The following GTF2IRD1 variants were observed in gnomAD, a reference collection of about 807,000 sequenced individuals.
GTF2IRD1 encodes GTF2I repeat domain containing 1.
Under a neutral mutation model 113.2 loss-of-function variants are expected in GTF2IRD1, and 26 were observed. The ratio of observed to expected loss-of-function variants is 0.23; its 90% CI spans 0.17 to 0.32. GTF2IRD1 has a LOEUF of 0.32. Ranked by LOEUF, GTF2IRD1 falls within the 10% of genes least tolerant of loss-of-function variation. The pLI is 1.00. For missense variants in GTF2IRD1, 864 were observed against 1,280.8 expected (o/e 0.67, Z 4.97); for synonymous variants, 484 against 529.1 (o/e 0.91, Z 1.17).
chr7:74,457,201 G>A (rs905596078), intron 1 of GTF2IRD1, among the ~76,000 whole-genome samples: 2 of 151,952 alleles, frequency 1.3e-5, no homozygotes, highest in Non-Finnish European at 1.5e-5. Context: ...TGTTGCCCAG[G>A]CTGGTTTCGA....
intron 1 of GTF2IRD1, among the ~76,000 whole-genome samples, chr7:74,499,402 G>A (rs1584529343): frequency 6.6e-6 from 1 of 151,658 alleles, no homozygotes; most frequent in South Asian, 2.1e-4. Flanking sequence ...AAGGGAGGAA[G>A]GGAAGGAAGG....
intron 1 of GTF2IRD1, among the ~76,000 whole-genome samples, chr7:74,491,397 G>T (rs1795335934): frequency 6.7e-6 from 1 of 150,240 alleles, no homozygotes; most frequent in Non-Finnish European, 1.5e-5. Flanking sequence ...TGTCATGGGG[G>T]TTTGTTGTAC....
intron 11 of GTF2IRD1, among the ~76,000 whole-genome samples, chr7:74,536,792 C>T (rs1402346267): frequency 1.3e-5 from 2 of 150,720 alleles, no homozygotes; most frequent in Admixed American, 6.6e-5. Flanking sequence ...GGTGACAGAG[C>T]AAGACTCTAT....
At chr7:74,536,514 A>C (rs1798306579) in intron 11 of GTF2IRD1, among the ~76,000 whole-genome samples, 1 of 152,100 alleles carries the variant, frequency 6.6e-6, no homozygotes. Context: ...AAGCCTCTAA[A>C]TGCCCACACT....
chr7:74,495,925 A>G (rs534635846), intron 1 of GTF2IRD1, among the ~76,000 whole-genome samples: 1 of 152,322 alleles, frequency 6.6e-6, no homozygotes, highest in South Asian at 2.1e-4. Flanking sequence ...TCTGTGTCCC[A>G]GCACGACTGT....
chr7:74,508,405 C>G (rs1382280864), intron 2 of GTF2IRD1, among the ~76,000 whole-genome samples: 3 of 152,120 alleles, frequency 2.0e-5, no homozygotes, highest in Admixed American at 2.0e-4. Flanking sequence ...AAAATCTAGC[C>G]CTGGGGCCGG....
chr7:74,558,644 G>T (rs587757549), intron 20 of GTF2IRD1, among the ~76,000 whole-genome samples: 7 of 152,178 alleles, frequency 4.6e-5, no homozygotes, highest in African/African-American at 1.7e-4. Flanking sequence ...GGGATTACGG[G>T]CATAAGCCAC....
At chr7:74,498,177 A>G (rs1795835128) in intron 1 of GTF2IRD1, among the ~76,000 whole-genome samples, 1 of 150,894 alleles carries the variant, frequency 6.6e-6, no homozygotes, top group Admixed American at 6.6e-5. Flanking sequence ...TTGGATTATT[A>G]TTATTAATGG....
At chr7:74,561,897 G>A (rs587724590) in intron 22 of GTF2IRD1, among the ~76,000 whole-genome samples, 3 of 152,146 alleles carry the variant, frequency 2.0e-5, no homozygotes, top group East Asian at 1.9e-4. Context: ...ACTGAGGCTC[G>A]GTGTGAGTGA....
chr7:74,458,007 A>G (rs1554327895), intron 1 of GTF2IRD1, among the ~76,000 whole-genome samples: 1 of 149,406 alleles, frequency 6.7e-6, no homozygotes, highest in African/African-American at 2.5e-5. Context: ...AGTAGCCGGG[A>G]TTACAGGCAT....
Position 74,512,984 on chromosome 7 carries a change from G to A in GTF2IRD1, c.265+13G>A. 2 of 1,610,518 alleles carry A rather than the reference G, an allele frequency of 1.2e-6. No individual in the cohort carries two copies. Among genetic ancestry groups the A allele is most frequent in the Non-Finnish European group, 1.7e-6 (2 of 1,178,338 alleles). ...CTCAGGTTCTGCCGTGAGTACCCCAGGGCTCCGGAGGGCCGGGCCCGCCAT... is the reference window on the plus strand; with the variant it reads ...CTCAGGTTCTGCCGTGAGTACCCCAAGGCTCCGGAGGGCCGGGCCCGCCAT... On this transcript the variant is annotated intron_variant, in intron 3 of 26. Transcript: ENST00000424337. The surrounding 1 kb of genome is among the most constrained non-coding windows in gnomAD (Gnocchi z 4.4).
chr7:74,515,432 G>A lies in GTF2IRD1; in HGVS notation c.266-9G>A. On this transcript the variant is annotated splice_polypyrimidine_tract_variant and intron_variant, in intron 3 of 26. Transcript: ENST00000424337. ...CTCACTGTGGCCTCGCGTGCTCTGTGTCCCACAGGAGGGCCCCCGTGGAAG... is the reference window on the plus strand; with the variant it reads ...CTCACTGTGGCCTCGCGTGCTCTGTATCCCACAGGAGGGCCCCCGTGGAAG... The A allele has an allele frequency of 6.3e-7, 1 of 1,574,940 alleles. No homozygotes were observed. Among genetic ancestry groups the A allele is most frequent in the South Asian group, 1.1e-5 (1 of 87,654 alleles).
At position 74,557,674 on chromosome 7, in the gene GTF2IRD1, G is replaced by A. The variant is rs782119956; in HGVS notation, c.2059G>A (p.Ala687Thr). 16 of 1,613,264 alleles carry A rather than the reference G, an allele frequency of 9.9e-6. No homozygotes were observed. The highest frequency in any genetic ancestry group is 1.4e-5 in the Non-Finnish European group (16 of 1,179,494). ...YDARLSRIDI[A>T]NTLREQVQDL... ...CGCGAGGCTCTCACGGATCGACATC[G>A]CCAACACACTAAGGGAGCAGGTCCA... Residue 687 changes from alanine (A) to threonine (T), a missense_variant, in exon 20 of 27, where the codon GCC (alanine) becomes ACC (threonine). Ala to Thr is a moderately conservative substitution (Grantham distance 58). Around this residue, in one of 7 missense-constraint regions of GTF2IRD1, gnomAD observed 195 missense variants for 359.1 expected, o/e 0.54. Transcript: ENST00000424337.
chr7:74,579,581 G>A (rs1562888125), intron 22 of GTF2IRD1, among the ~76,000 whole-genome samples: 2 of 148,286 alleles, frequency 1.3e-5, no homozygotes, highest in East Asian at 2.0e-4. Flanking sequence ...TCACGCCACC[G>A]CACTCCACCC....
intron 22 of GTF2IRD1, among the ~76,000 whole-genome samples, chr7:74,562,872 G>A (rs1275065568): frequency 6.6e-6 from 1 of 152,142 alleles, no homozygotes; most frequent in African/African-American, 2.4e-5. Context: ...GTGAGCCACC[G>A]CATTCAGCCG....
At chr7:74,491,578 A>G (rs553005891) in intron 1 of GTF2IRD1, among the ~76,000 whole-genome samples, 104 of 151,952 alleles carry the variant, frequency 6.8e-4, no homozygotes, top group Middle Eastern at 3.4e-3. Context: ...AACATGCAGT[A>G]TTTGGTTTTC....
chr7:74,564,129 C>T (rs1174353081), intron 22 of GTF2IRD1, among the ~76,000 whole-genome samples: 2 of 152,132 alleles, frequency 1.3e-5, no homozygotes, highest in Admixed American at 6.6e-5. Context: ...CGAGTTCAAG[C>T]GATTCGCCTG....
chr7:74,599,877 C>G (rs782040781), intron 25 of GTF2IRD1, among the ~76,000 whole-genome samples: 13 of 152,118 alleles, frequency 8.5e-5, no homozygotes, highest in South Asian at 2.1e-4. Context: ...CCAGCCTCCC[C>G]AGAACTCCCA....
intron 17 of GTF2IRD1, 102 bp downstream of exon 17, chr7:74,547,388 C>T (rs1310434663): frequency 1.1e-5 from 10 of 876,432 alleles, no homozygotes; most frequent in Non-Finnish European, 1.8e-5. Flanking sequence ...GTGCCTCAGC[C>T]ACCTGAATAG....
Sources: gnomAD v4.1 joint callset for allele counts (sites outside exome capture counted in the v4.1 genomes callset) on GRCh38, gnomAD v4.1.1 for gene constraint, gnomAD v4.1.1 regional missense constraint, Gnocchi (gnomAD v3.1) non-coding constraint, MANE v1.5 for transcripts, NCBI Gene and HGNC (gene_info 2026-07-23, HGNC 2026-07-21) for gene names.